The following IQCB1 variants were observed in gnomAD, a reference collection of about 807,000 sequenced individuals.
IQCB1 encodes IQ motif containing B1, also known as IQ calmodulin-binding motif-containing protein 1.
IQCB1 carries 56 observed loss-of-function variants against 84.4 expected under a neutral mutation model. The ratio of observed to expected loss-of-function variants is 0.66; its 90% CI spans 0.54 to 0.83. The LOEUF (loss-of-function observed/expected upper bound fraction) is 0.83, where lower values mean the gene tolerates loss of function less well. Ranked by LOEUF, IQCB1 falls within the 40% of genes least tolerant of loss-of-function variation. The pLI, the probability that IQCB1 is intolerant of heterozygous loss-of-function variation, is 0.00. For synonymous variants in IQCB1, 210 were observed against 234.8 expected (o/e 0.89, Z 0.96); for missense variants, 629 against 682.1 (o/e 0.92, Z 0.87).
intron 13 of IQCB1, among the ~76,000 whole-genome samples, chr3:121,776,188 G>A (rs565087697): frequency 6.6e-6 from 1 of 152,190 alleles, no homozygotes; most frequent in East Asian, 1.9e-4. Flanking sequence ...GCCTCTCAAA[G>A]TGCTGGAATT....
Position 121,772,589 on chromosome 3 carries a change from G to T in IQCB1, c.1535C>A (p.Ala512Glu). The part of the protein sequence containing the change: ...RAQQHREALI[A>E]QISTNVEQLM... ...CTGTTCAACGTTGGTGCTGATCTGT[G>T]CTATCAGAGCTTCTCTGTGCTGCTG... The change falls in exon 14 of 15, where the codon GCA becomes GAA. Residue 512 changes from alanine (A) to glutamate (E), a missense_variant. Ala to Glu is a moderately radical substitution (Grantham distance 107). Coordinates refer to ENST00000310864, the MANE Select transcript of IQCB1 (RefSeq NM_001023570.4). The T allele has an allele frequency of 1.2e-6, 2 of 1,614,194 alleles. No homozygotes were observed. The highest frequency in any genetic ancestry group is 1.7e-6 in the Non-Finnish European group (2 of 1,180,030).
At position 121,769,920 on chromosome 3, in the gene IQCB1, C is replaced by A. The variant is rs1445554948; in HGVS notation, c.*425G>T. 3 of 171,548 alleles carry A rather than the reference C, an allele frequency of 1.7e-5. No homozygotes were observed. The highest frequency in any genetic ancestry group is 4.8e-5 in the African/African-American group (2 of 41,662). 10.6% of individuals were successfully genotyped at this position (171,548 alleles called of 1,614,324 possible). A position where few individuals can be genotyped will look rare whatever the true frequency, so the allele number is the denominator to read the frequency against. On this transcript the variant is annotated 3_prime_UTR_variant, in exon 15 of 15. Coordinates refer to ENST00000310864, the MANE Select transcript of IQCB1 (RefSeq NM_001023570.4). ...CTTTTCCTCACATTAATAAAGTCTG[C>A]ACACACCTCCTATGTTAACAGGAAA...
chr3:121,787,806 C>A (rs992725117), intron 12 of IQCB1, among the ~76,000 whole-genome samples: 1 of 151,308 alleles, frequency 6.6e-6, no homozygotes, highest in Non-Finnish European at 1.5e-5. Context: ...TCTAAATATA[C>A]CTAATATCTC....
intron 13 of IQCB1, among the ~76,000 whole-genome samples, chr3:121,775,606 A>G (rs750363068): frequency 5.9e-5 from 9 of 152,218 alleles, no homozygotes; most frequent in Admixed American, 3.3e-4. Flanking sequence ...CATGTATCCC[A>G]GAACTTAAAG....
chr3:121,815,063 T>C (rs6776596), intron 5 of IQCB1, among the ~76,000 whole-genome samples: 60,369 of 152,044 alleles, frequency 0.4, 12,554 homozygotes, highest in South Asian at 0.56. Flanking sequence ...TTATCAACTA[T>C]GATTAAGTCG....
rs370233738 is a variant in IQCB1 at position 121,826,172 on chromosome 3, C to T, written c.272G>A (p.Cys91Tyr). Reference sequence around the variant, plus strand: ...ATCTTCTCCTGGCTCCAAGCCCACACAGCAATGGCTGAAATAAGAGCACAA... The same window carrying T: ...ATCTTCTCCTGGCTCCAAGCCCACATAGCAATGGCTGAAATAAGAGCACAA... The part of the protein sequence containing the change: ...SQLTQILSHC[C>Y]VGLEPGEDAE... Residue 91 changes from cysteine to tyrosine, a missense_variant, in exon 5 of 15, where the codon TGT (cysteine) becomes TAT (tyrosine). By Grantham distance (194) the Cys-to-Tyr change is radical. Coordinates refer to ENST00000310864, the MANE Select transcript of IQCB1 (RefSeq NM_001023570.4). 27 of 1,613,738 alleles carry T rather than the reference C, an allele frequency of 1.7e-5. No homozygotes were observed. Among genetic ancestry groups the T allele is most frequent in the East Asian group, 2.2e-5 (1 of 44,872 alleles).
At chr3:121,829,004 C>CA in intron 2 of IQCB1, 32 bp from the exon 3 acceptor site, 3 of 1,194,422 alleles carry the variant, frequency 2.5e-6, no homozygotes, top group Non-Finnish European at 3.8e-6. Flanking sequence ...GAATAAAGGT[C>CA]AAAAAGCCAG....
At chr3:121,820,243 T>C (rs2108623244) in intron 5 of IQCB1, among the ~76,000 whole-genome samples, 2 of 152,306 alleles carry the variant, frequency 1.3e-5, no homozygotes, top group South Asian at 4.1e-4. Flanking sequence ...ACTTAAATTA[T>C]TTAAATGGCA....
chr3:121,778,270 A>G (rs1948311242), intron 13 of IQCB1, among the ~76,000 whole-genome samples: 1 of 152,018 alleles, frequency 6.6e-6, no homozygotes, highest in Non-Finnish European at 1.5e-5. Context: ...TAGATTCTAG[A>G]TATTAGCCCT....
intron 5 of IQCB1, among the ~76,000 whole-genome samples, chr3:121,810,943 A>G (rs1949802778): frequency 6.6e-6 from 1 of 152,232 alleles, no homozygotes; most frequent in Admixed American, 6.5e-5. Context: ...AACCTGTTAC[A>G]TGGAACACAT....
chr3:121,805,082 G>A (rs866415946), intron 7 of IQCB1, among the ~76,000 whole-genome samples: 1 of 152,112 alleles, frequency 6.6e-6, no homozygotes, highest in Non-Finnish European at 1.5e-5. Context: ...AATATATGGA[G>A]TATGGTTATA....
At chr3:121,824,019 T>C (rs1950364913) in intron 5 of IQCB1, among the ~76,000 whole-genome samples, 1 of 152,172 alleles carries the variant, frequency 6.6e-6, no homozygotes, top group South Asian at 2.1e-4. Context: ...AAGTAAATGA[T>C]ACCCTTTAAA....
chr3:121,781,743 C>G lies in IQCB1; in HGVS notation c.1410G>C (p.Leu470Phe). The G allele has an allele frequency of 1.2e-6, 2 of 1,612,274 alleles. No homozygotes were observed. Among genetic ancestry groups the G allele is most frequent in the South Asian group, 2.2e-5 (2 of 90,996 alleles). ...KRVDDYVRRH[L>F]GSPMSDVVSR... ...CTGATATGGTACAGAAGCTTCATAC[C>G]AAATGTCTTCTGACATAGTCATCCA... The change falls in exon 13 of 15, where the codon TTG becomes TTC. Residue 470 changes from leucine (L) to phenylalanine (F), a missense_variant and splice_region_variant. By Grantham distance (22) the Leu-to-Phe change is conservative. Transcript: ENST00000310864.
At chr3:121,814,201 T>C (rs1379803080) in intron 5 of IQCB1, among the ~76,000 whole-genome samples, 1 of 151,910 alleles carries the variant, frequency 6.6e-6, no homozygotes. Flanking sequence ...CAGAAATAAA[T>C]AAGTTATTTG....
intron 13 of IQCB1, among the ~76,000 whole-genome samples, chr3:121,778,324 G>A (rs550896810): frequency 1.3e-5 from 2 of 151,960 alleles, no homozygotes; most frequent in East Asian, 3.9e-4. Flanking sequence ...CATTCTATAG[G>A]CTGTTTACTG....
intron 10 of IQCB1, among the ~76,000 whole-genome samples, chr3:121,794,245 C>T (rs775719228): frequency 1.3e-5 from 2 of 151,936 alleles, no homozygotes; most frequent in Admixed American, 6.6e-5. Context: ...ATTTGTTTAC[C>T]TAGATTTGTA....
chr3:121,798,132 T>C (rs1011886248), intron 8 of IQCB1, among the ~76,000 whole-genome samples: 2 of 151,950 alleles, frequency 1.3e-5, no homozygotes, highest in African/African-American at 2.4e-5. Context: ...AATTACAGAA[T>C]TGAAAAATGT....
chr3:121,789,646 C>A (rs569527959), intron 11 of IQCB1, among the ~76,000 whole-genome samples: 1 of 152,312 alleles, frequency 6.6e-6, no homozygotes, highest in Non-Finnish European at 1.5e-5. Context: ...TCTCAGACCA[C>A]ATCTTCTTAT....
At chr3:121,824,374 T>C (rs1950383836) in intron 5 of IQCB1, among the ~76,000 whole-genome samples, 3 of 152,206 alleles carry the variant, frequency 2.0e-5, no homozygotes, top group Admixed American at 6.5e-5. Context: ...GAGAACAGCA[T>C]GCCGTTTAAA....
Sources: gnomAD v4.1 joint callset for allele counts (sites outside exome capture counted in the v4.1 genomes callset) on GRCh38, gnomAD v4.1.1 for gene constraint, MANE v1.5 for transcripts, NCBI Gene and HGNC (gene_info 2026-07-23, HGNC 2026-07-21) for gene names.